DAAM1: variants seen among roughly 807,000 people sequenced by gnomAD.
DAAM1 encodes the protein disheveled-associated activator of morphogenesis 1.
A neutral mutation model predicts 130.0 loss-of-function variants in DAAM1; 52 were observed. That is an observed-to-expected ratio of 0.40 (90% CI 0.32 to 0.50). DAAM1 has a LOEUF of 0.50. Ranked by LOEUF, DAAM1 falls within the 20% of genes least tolerant of loss-of-function variation. The pLI is 0.61. For synonymous variants in DAAM1, 452 were observed against 444.5 expected (o/e 1.02, Z -0.21); for missense variants, 1,134 against 1,303.8 (o/e 0.87, Z 2.01).
At chr14:59,357,261 AG>A (rs1259725488) in intron 20 of DAAM1, 1 of 152,272 alleles carries the variant, frequency 6.6e-6, no homozygotes, top group Non-Finnish European at 1.5e-5. Context: ...TCTTTTAAAA[AG>A]TGAAAAAAAT....
chr14:59,318,958 T>C (rs1404656787), intron 4 of DAAM1, among the ~76,000 whole-genome samples: 4 of 152,222 alleles, frequency 2.6e-5, no homozygotes, highest in East Asian at 1.9e-4. Flanking sequence ...AATTTGGGGA[T>C]AGTTTTGTGT....
chr14:59,330,738 C>A lies in DAAM1; in HGVS notation c.1560+50C>A, dbSNP rs747211465. 4 of 1,526,906 alleles carry A rather than the reference C, an allele frequency of 2.6e-6. No individual in the cohort carries two copies. In the African/African-American group the frequency reaches 4.2e-5, roughly 16 times the overall value. 94.6% of individuals were successfully genotyped at this position (1,526,906 alleles called of 1,614,324 possible). On this transcript the variant is annotated intron_variant, in intron 13 of 24. Coordinates refer to ENST00000360909, the MANE Select transcript of DAAM1 (RefSeq NM_001270520.2). The stretch of plus-strand genomic sequence containing the variant: ...GGCAGCTGCCAAGGCCTCACTGACC[C>A]TAGAGCCCCTCACCCTTAAGTAGAG...
intron 15 of DAAM1, chr14:59,338,400 A>G: frequency 6.2e-7 from 1 of 1,613,766 alleles, no homozygotes; most frequent in Non-Finnish European, 8.5e-7. Context: ...CTTTGTGAAC[A>G]GTAACTCCAA....
intron 1 of DAAM1, among the ~76,000 whole-genome samples, chr14:59,261,107 C>G (rs1377377155): frequency 6.6e-6 from 1 of 152,164 alleles, no homozygotes; most frequent in East Asian, 1.9e-4. Context: ...ATATACAGCA[C>G]AGTCTATACT....
intron 1 of DAAM1, among the ~76,000 whole-genome samples, chr14:59,251,692 C>A (rs1348375376): frequency 6.6e-6 from 1 of 152,206 alleles, no homozygotes; most frequent in Admixed American, 6.5e-5. Context: ...TTAGAGGCGA[C>A]TGTCCTCTCT....
In DAAM1 at chr14:59,370,136, CTTT is replaced by C. The variant is rs1246889573; in HGVS notation, c.*1281_*1283del. On this transcript the variant is annotated 3_prime_UTR_variant, in exon 25 of 25. Transcript: ENST00000360909. Reference sequence around the variant, plus strand: ...ATGTGATATATAAAGAGGACTGTTACTTTTTTACTTTTTTTTTTTTTTTTTTTT... The same window carrying C: ...ATGTGATATATAAAGAGGACTGTTACTTTACTTTTTTTTTTTTTTTTTTTT... 6.5e-5 allele frequency: 6 copies of C among 92,672 alleles called. No homozygotes were observed. The highest frequency in any genetic ancestry group is 1.2e-4 in the Non-Finnish European group (6 of 49,470). The allele number at this position is 92,672 out of a possible 1,614,324, so 5.7% of individuals were successfully genotyped here. A position where few individuals can be genotyped will look rare whatever the true frequency, so the allele number is the denominator to read the frequency against.
intron 2 of DAAM1, among the ~76,000 whole-genome samples, chr14:59,290,069 C>T (rs1040316793): frequency 5.9e-5 from 9 of 151,946 alleles, no homozygotes; most frequent in African/African-American, 2.2e-4. Flanking sequence ...GTACACAAAG[C>T]CTCAGTGACA....
In DAAM1 at chr14:59,371,103, AAAAAAC is replaced by A. The variant is rs892078744; in HGVS notation, c.*2250_*2255del. ...ATGTGCCATTGTTGAAAAGAAAAAA[AAAAAAC>A]AAAAAAAAAACCTACTTTTTAGATT... On this transcript the variant is annotated 3_prime_UTR_variant, in exon 25 of 25. Coordinates refer to ENST00000360909, the MANE Select transcript of DAAM1 (RefSeq NM_001270520.2). 1 of 29,112 alleles carries A rather than the reference AAAAAAC, an allele frequency of 3.4e-5. No individual in the cohort carries two copies. Among genetic ancestry groups the A allele is most frequent in the Non-Finnish European group, 6.5e-5 (1 of 15,420 alleles). The allele number at this position is 29,112 out of a possible 1,614,324, so 1.8% of individuals were successfully genotyped here. A position where few individuals can be genotyped will look rare whatever the true frequency, so the allele number is the denominator to read the frequency against.
rs113470387 is a variant in DAAM1, at chr14:59,323,286, T to C, written c.774+61T>C. On this transcript the variant is annotated intron_variant, in intron 6 of 24. Transcript: ENST00000360909. ...CTTTAAAGTCTGCTCAAACACGTGC[T>C]TTTCCTGTCCCTGAAAGGGGAATGT... is the stretch of plus-strand genomic sequence containing the variant. The C allele has an allele frequency of 2.7e-5, 40 of 1,464,916 alleles. No individual in the cohort carries two copies. In the African/African-American group the frequency reaches 4.7e-4, roughly 17 times the overall value. 90.7% of individuals were successfully genotyped at this position (1,464,916 alleles called of 1,614,324 possible).
chr14:59,203,229 C>T (rs545080023), intron 1 of DAAM1, among the ~76,000 whole-genome samples: 6 of 144,028 alleles, frequency 4.2e-5, no homozygotes, highest in African/African-American at 5.2e-5. Context: ...AGCATGGTCT[C>T]GATCTCCTGA....
chr14:59,339,621 C>T (rs1885766292), intron 15 of DAAM1, among the ~76,000 whole-genome samples: 1 of 152,060 alleles, frequency 6.6e-6, no homozygotes, highest in Non-Finnish European at 1.5e-5. Context: ...GAGGTTTTAT[C>T]GTTTAGCTTT....
chr14:59,192,521 A>G (rs893715355), intron 1 of DAAM1, among the ~76,000 whole-genome samples: 14 of 152,280 alleles, frequency 9.2e-5, no homozygotes, highest in African/African-American at 3.1e-4. Context: ...TGTTAAGTCT[A>G]TCCTTATATT....
chr14:59,211,782 GA>G (rs1411781393), intron 1 of DAAM1, among the ~76,000 whole-genome samples: 1 of 152,004 alleles, frequency 6.6e-6, no homozygotes, highest in African/African-American at 2.4e-5. Flanking sequence ...AATTTGCACT[GA>G]AAAAAATCTT....
Position 59,347,271 on chromosome 14 carries a change from A to G in DAAM1, c.2076-268A>G, listed in dbSNP as rs530501504. On this transcript the variant is annotated intron_variant, in intron 16 of 24. Transcript: ENST00000360909. ...GTGTATGGGTATTTTCCCTAATTCT[A>G]ATCTTCCAATCCCTTGCTTAAGGAA... Among the ~76,000 whole-genome samples the G allele has an allele frequency of 4.3e-4, 65 of 152,078 alleles. 1 individual carries two copies. In the South Asian group the frequency reaches 0.012, roughly 29 times the overall value.
chr14:59,220,884 G>T (rs563392915), intron 1 of DAAM1, among the ~76,000 whole-genome samples: 10 of 152,264 alleles, frequency 6.6e-5, no homozygotes, highest in African/African-American at 2.4e-4. Context: ...TGATGCCCAC[G>T]CACATTGGTG....
intron 2 of DAAM1, among the ~76,000 whole-genome samples, chr14:59,266,476 A>G (rs767885330): frequency 6.6e-6 from 1 of 151,976 alleles, no homozygotes; most frequent in Non-Finnish European, 1.5e-5. Flanking sequence ...AGAAAATTCC[A>G]CTCTCTCTGC....
chr14:59,327,402 C>CTTTGTTTTTTTT (rs1885249122), intron 12 of DAAM1, among the ~76,000 whole-genome samples: 1 of 58,992 alleles, frequency 1.7e-5, no homozygotes. Flanking sequence ...CACTTGGTTT[C>CTTTGTTTTTTTT]TTTTTTTTTT....
rs112811968 is a variant in DAAM1 at position 59,283,765 on chromosome 14, C to T, written c.184-7452C>T. Reference sequence around the variant, plus strand: ...GCATATTTTAGGCCATGACTAGGCACTGGAGGTGTGGGTGTTAACAAGATA... The same window carrying T: ...GCATATTTTAGGCCATGACTAGGCATTGGAGGTGTGGGTGTTAACAAGATA... On this transcript the variant is annotated intron_variant, in intron 2 of 24. Transcript: ENST00000360909. Among the ~76,000 whole-genome samples, 223 of 152,204 alleles carry T rather than the reference C, an allele frequency of 1.5e-3. 1 individual carries two copies. The highest frequency in any genetic ancestry group is 5.1e-3 in the African/African-American group (211 of 41,548).
At chr14:59,251,896 A>C (rs2139483025) in intron 1 of DAAM1, among the ~76,000 whole-genome samples, 1 of 152,262 alleles carries the variant, frequency 6.6e-6, no homozygotes, top group South Asian at 2.1e-4. Flanking sequence ...TCCTTGCTGC[A>C]TCATCAGCAG....
Sources: allele counts gnomAD v4.1 joint callset (sites outside exome capture counted in the v4.1 genomes callset), GRCh38; gene constraint gnomAD v4.1.1; transcripts MANE v1.5; gene names NCBI Gene and HGNC (gene_info 2026-07-23, HGNC 2026-07-21).